Variants in ZFHX3 observed in about 807,000 individuals in gnomAD.
ZFHX3 encodes the protein zinc finger homeobox protein 3.
Under a neutral mutation model 279.1 loss-of-function variants are expected in ZFHX3, and 42 were observed. That is an observed-to-expected ratio of 0.15 (90% CI 0.12 to 0.19). The LOEUF (loss-of-function observed/expected upper bound fraction) is 0.19, where lower values mean the gene tolerates loss of function less well. Ranked by LOEUF, ZFHX3 falls within the 10% of genes least tolerant of loss-of-function variation. The pLI is 1.00. For missense variants in ZFHX3, 4,981 were observed against 4,754.0 expected, an observed-to-expected ratio of 1.05 and a Z score of -1.40; for synonymous variants, 2,293 against 1,957.8, an observed-to-expected ratio of 1.17 and a Z score of -4.52.
chr16:73,104,083 A>G (rs75564183), intron 7 of ZFHX3, among the ~76,000 whole-genome samples: 23,964 of 151,832 alleles, frequency 0.16, 2,124 homozygotes, highest in Non-Finnish European at 0.19. Flanking sequence ...TAGGTTATGA[A>G]ATGCACCGAT....
chr16:73,817,288 C>T (rs1597129197), intron 1 of ZFHX3, among the ~76,000 whole-genome samples: 1 of 152,186 alleles, frequency 6.6e-6, no homozygotes, highest in Non-Finnish European at 1.5e-5. Flanking sequence ...TTATTTCCCA[C>T]CCTACCTTCT....
intron 3 of ZFHX3, among the ~76,000 whole-genome samples, chr16:72,909,682 G>A (rs2039270704): frequency 6.6e-6 from 1 of 152,000 alleles, no homozygotes; most frequent in Non-Finnish European, 1.5e-5. Context: ...TTCGAGACCA[G>A]CCTGGGCAAC....
At chr16:73,563,227 GT>G (rs1293410838) in intron 2 of ZFHX3, among the ~76,000 whole-genome samples, 6 of 119,734 alleles carry the variant, frequency 5.0e-5, no homozygotes, top group Admixed American at 1.7e-4. Context: ...TGTGTGTTTT[GT>G]TTTTGTTTTG....
intron 1 of ZFHX3, among the ~76,000 whole-genome samples, chr16:73,792,811 G>A (rs1959867393): frequency 6.6e-6 from 1 of 151,950 alleles, no homozygotes; most frequent in Non-Finnish European, 1.5e-5. Context: ...AGCTAATGAA[G>A]GTAATGAAAT....
At chr16:73,679,797 A>G (rs2052991603) in intron 2 of ZFHX3, 1 of 152,148 alleles carries the variant, frequency 6.6e-6, no homozygotes, top group Non-Finnish European at 1.5e-5. Flanking sequence ...TAAGCACTGA[A>G]ATTATCAAAG....
In ZFHX3 at chr16:73,267,000, T is replaced by C. The variant is rs145469195; in HGVS notation, c.-1193-9864A>G. Reference sequence around the variant, plus strand: ...GAAAGGAGATGTGAACCTAGATATATTGACTCCAATCCCAGTATACATTCA... The same window carrying C: ...GAAAGGAGATGTGAACCTAGATATACTGACTCCAATCCCAGTATACATTCA... On this transcript the variant is annotated intron_variant, in intron 4 of 17. Transcript: ENST00000641206. Among the ~76,000 whole-genome samples, 1,011 of 152,302 alleles carry C rather than the reference T, an allele frequency of 6.6e-3. 7 individuals are homozygous for C. The highest frequency in any genetic ancestry group is 0.022 in the African/African-American group (926 of 41,554).
intron 3 of ZFHX3, among the ~76,000 whole-genome samples, chr16:73,358,672 T>C (rs1317707300): frequency 6.6e-6 from 1 of 152,224 alleles, no homozygotes; most frequent in Non-Finnish European, 1.5e-5. Flanking sequence ...CTCTCATCCA[T>C]ATATGCAGAC....
intron 1 of ZFHX3, among the ~76,000 whole-genome samples, chr16:73,886,891 C>T (rs1168610676): frequency 6.6e-6 from 1 of 152,158 alleles, no homozygotes; most frequent in African/African-American, 2.4e-5. Context: ...GCTGAAGGAC[C>T]AGTCTGTCAC....
At chr16:73,687,042 A>ATATATATATAT (rs1209794154) in intron 1 of ZFHX3, among the ~76,000 whole-genome samples, 12 of 81,446 alleles carry the variant, frequency 1.5e-4, no homozygotes, top group African/African-American at 5.9e-4. Flanking sequence ...ATATATATAT[A>ATATATATATAT]TATATATATA....
intron 7 of ZFHX3, among the ~76,000 whole-genome samples, chr16:73,102,518 G>A (rs540583767): frequency 6.6e-6 from 1 of 152,098 alleles, no homozygotes; most frequent in African/African-American, 2.4e-5. Context: ...TTTCTTAATC[G>A]CAGGCCCACT....
At chr16:73,031,262 C>T (rs1180310700) in intron 1 of ZFHX3, among the ~76,000 whole-genome samples, 1 of 151,698 alleles carries the variant, frequency 6.6e-6, no homozygotes, top group African/African-American at 2.4e-5. Flanking sequence ...AGGTAGCCGA[C>T]CAAAAAAGCC....
chr16:72,891,913 G>T (rs2038782577), intron 3 of ZFHX3, among the ~76,000 whole-genome samples: 1 of 152,196 alleles, frequency 6.6e-6, no homozygotes, highest in African/African-American at 2.4e-5. Flanking sequence ...TGATGTTTAT[G>T]CCAGGATAAT....
At chr16:73,771,960 C>CG (rs1185843246) in intron 1 of ZFHX3, among the ~76,000 whole-genome samples, 1 of 152,138 alleles carries the variant, frequency 6.6e-6, no homozygotes, top group Non-Finnish European at 1.5e-5. Context: ...CTTCTTCAGT[C>CG]AGTCCACTCA....
chr16:73,864,326 A>G (rs1171409481), intron 1 of ZFHX3, among the ~76,000 whole-genome samples: 1 of 152,228 alleles, frequency 6.6e-6, no homozygotes, highest in East Asian at 1.9e-4. Flanking sequence ...AGGAACATTC[A>G]TTAACTACGC....
At chr16:73,344,231 GAC>G (rs1305217082) in intron 3 of ZFHX3, among the ~76,000 whole-genome samples, 2 of 152,242 alleles carry the variant, frequency 1.3e-5, no homozygotes, top group Admixed American at 6.5e-5. Flanking sequence ...CACTGAGGAA[GAC>G]ACAGCATCAC....
intron 1 of ZFHX3, among the ~76,000 whole-genome samples, chr16:73,688,356 C>CAAAAAAAA (rs61469980): frequency 9.6e-6 from 1 of 103,782 alleles, no homozygotes; most frequent in Non-Finnish European, 1.9e-5. Context: ...GACTCCATCT[C>CAAAAAAAA]AAAAAAAAAA....
At chr16:73,506,609 G>C (rs2019330754) in intron 2 of ZFHX3, among the ~76,000 whole-genome samples, 1 of 152,124 alleles carries the variant, frequency 6.6e-6, no homozygotes, top group East Asian at 1.9e-4. Flanking sequence ...AGAACCACAG[G>C]GGTTCAGATG....
intron 1 of ZFHX3, among the ~76,000 whole-genome samples, chr16:73,684,873 G>C (rs925827862): frequency 4.0e-5 from 6 of 151,804 alleles, no homozygotes; most frequent in Non-Finnish European, 8.8e-5. Flanking sequence ...GCTAATTTTT[G>C]TCTTTTTAGT....
At chr16:72,870,847 T>C (rs1201041853) in intron 4 of ZFHX3, among the ~76,000 whole-genome samples, 2 of 152,128 alleles carry the variant, frequency 1.3e-5, no homozygotes, top group African/African-American at 4.8e-5. Context: ...ACCTAATAGT[T>C]TTATAGCAAT....
Sources: gnomAD v4.1 joint callset for allele counts (sites outside exome capture counted in the v4.1 genomes callset) on GRCh38, gnomAD v4.1.1 for gene constraint, MANE v1.5 for transcripts, NCBI Gene and HGNC (gene_info 2026-07-23, HGNC 2026-07-21) for gene names.